The following NFASC variants were observed in gnomAD, a reference collection of about 807,000 sequenced individuals.
NFASC encodes neurofascin, also known as neurofascin homolog.
Under a neutral mutation model 147.5 loss-of-function variants are expected in NFASC, and 43 were observed. The ratio of observed to expected loss-of-function variants is 0.29; its 90% CI spans 0.23 to 0.38. The LOEUF is 0.38. NFASC is among the 10% of genes least tolerant of loss of function. NFASC has a pLI of 1.00. For missense variants in NFASC, 1,320 were observed against 1,689.0 expected (o/e 0.78, Z 3.83); for synonymous variants, 622 against 665.5 (o/e 0.93, Z 1.01).
chr1:205,006,829 G>A (rs1320520712), intron 27 of NFASC, among the ~76,000 whole-genome samples: 1 of 152,212 alleles, frequency 6.6e-6, no homozygotes, highest in East Asian at 1.9e-4. Flanking sequence ...GGGGCAGGAA[G>A]ATGCAGGTTG....
At chr1:204,924,899 G>A in intron 2 of NFASC, among the ~76,000 whole-genome samples, 1 of 152,186 alleles carries the variant, frequency 6.6e-6, no homozygotes, top group Non-Finnish European at 1.5e-5. Flanking sequence ...GTTTTGAGAT[G>A]GAGTTTTGCT....
chr1:204,935,382 G>C (rs2092732967), intron 2 of NFASC, among the ~76,000 whole-genome samples: 1 of 152,228 alleles, frequency 6.6e-6, no homozygotes, highest in Admixed American at 6.5e-5. Context: ...GAGGCAGGCA[G>C]GGGAGTGGGA....
intron 1 of NFASC, among the ~76,000 whole-genome samples, chr1:204,902,960 A>C (rs530905094): frequency 1.8e-4 from 28 of 152,300 alleles, no homozygotes; most frequent in African/African-American, 5.8e-4. Flanking sequence ...GCAGGCACAG[A>C]GTAGGTGGAA....
intron 3 of NFASC, chr1:204,948,637 T>C: frequency 1.9e-6 from 1 of 519,074 alleles, no homozygotes; most frequent in Non-Finnish European, 3.8e-6. Flanking sequence ...GAGCTGGTTC[T>C]CCTTCTAGCT....
At chr1:204,881,638 C>A (rs1264155638) in intron 1 of NFASC, among the ~76,000 whole-genome samples, 2 of 152,072 alleles carry the variant, frequency 1.3e-5, no homozygotes, top group African/African-American at 2.4e-5. Flanking sequence ...ATGGGGGGAA[C>A]CACGGGTTCC....
At chr1:204,952,605 T>C (rs2094188563) in intron 5 of NFASC, among the ~76,000 whole-genome samples, 1 of 152,156 alleles carries the variant, frequency 6.6e-6, no homozygotes, top group Admixed American at 6.5e-5. Flanking sequence ...AACAGTGCTC[T>C]GGGGAAGGAC....
intron 1 of NFASC, among the ~76,000 whole-genome samples, chr1:204,852,443 T>C (rs955986713): frequency 5.9e-5 from 9 of 152,212 alleles, no homozygotes; most frequent in African/African-American, 1.9e-4. Flanking sequence ...GAGGTGGCAG[T>C]GAGCTGAGAT....
rs892169813 is a variant in NFASC, at chr1:204,979,967, C to T, written c.2177-403C>T. Among the ~76,000 whole-genome samples the T allele has an allele frequency of 6.6e-6, 1 of 152,182 alleles. No individual in the cohort carries two copies. Among genetic ancestry groups the T allele is most frequent in the Non-Finnish European group, 1.5e-5 (1 of 68,040 alleles). On this transcript the variant is annotated intron_variant, in intron 19 of 29. Transcript: ENST00000339876. This position sits in a 1 kb window ranked among gnomAD's most constrained non-coding sequence, Gnocchi z 6.0. ...GGTAATATTTGGATTTCTGAAATCA[C>T]ACCAGCTCATAGAGGGTAGAGATGC...
intron 1 of NFASC, 115 bp downstream of exon 1, chr1:204,828,897 C>T: frequency 1.5e-6 from 1 of 655,508 alleles, no homozygotes; most frequent in South Asian, 6.5e-5. Flanking sequence ...CCCCCTCCCC[C>T]TCCGTCCACA....
intron 2 of NFASC, among the ~76,000 whole-genome samples, chr1:204,926,394 ATATATATATATATTTTTTTT>A (rs1267826410): frequency 0.039 from 661 of 16,782 alleles, 3 homozygotes; most frequent in Non-Finnish European, 0.078. Context: ...ATATATATAT[ATATATATATATATTTTTTTT>A]TTTTTTTTTT....
intron 1 of NFASC, among the ~76,000 whole-genome samples, chr1:204,854,082 C>A (rs1034251719): frequency 6.6e-6 from 1 of 152,088 alleles, no homozygotes; most frequent in African/African-American, 2.4e-5. Flanking sequence ...CTGCCCATTC[C>A]CCACCCCCAC....
At chr1:204,902,698 G>A (rs570854309) in intron 1 of NFASC, among the ~76,000 whole-genome samples, 84 of 152,200 alleles carry the variant, frequency 5.5e-4, no homozygotes, top group Non-Finnish European at 9.1e-4. Flanking sequence ...TGCAAGAGTC[G>A]TTATGCTTTT....
intron 1 of NFASC, among the ~76,000 whole-genome samples, chr1:204,894,186 T>A (rs896317096): frequency 1.3e-5 from 2 of 152,214 alleles, no homozygotes; most frequent in African/African-American, 4.8e-5. Flanking sequence ...ATTAAAAAAA[T>A]ATTTGTCAAA....
At chr1:204,943,148 A>G (rs916961685) in intron 2 of NFASC, among the ~76,000 whole-genome samples, 2 of 152,188 alleles carry the variant, frequency 1.3e-5, no homozygotes, top group East Asian at 3.8e-4. Flanking sequence ...AAACTGGAGG[A>G]ATTCTGGAGA....
At chr1:204,863,728 A>G (rs947107624) in intron 1 of NFASC, among the ~76,000 whole-genome samples, 5 of 151,878 alleles carry the variant, frequency 3.3e-5, no homozygotes, top group African/African-American at 1.2e-4. Context: ...GGGTGCCTGT[A>G]GTCCCACTAC....
chr1:204,860,235 A>G (rs1026826531), intron 1 of NFASC, among the ~76,000 whole-genome samples: 14 of 152,310 alleles, frequency 9.2e-5, no homozygotes, highest in African/African-American at 3.4e-4. Flanking sequence ...TGTATTGGAA[A>G]TGTCTTCCTC....
At chr1:204,948,541 G>A in intron 3 of NFASC, 3 of 516,040 alleles carry the variant, frequency 5.8e-6, no homozygotes, top group South Asian at 1.4e-5. Flanking sequence ...TGAGGCCCCA[G>A]CTGGCTCGCT....
At position 205,010,417 on chromosome 1, in the gene NFASC, C is replaced by T. The variant is rs1244959287; in HGVS notation, c.3421+729C>T. The T allele has an allele frequency of 6.6e-6, 1 of 152,134 alleles. No homozygotes were observed. Among genetic ancestry groups the T allele is most frequent in the Admixed American group, 6.5e-5 (1 of 15,270 alleles). 9.4% of individuals were successfully genotyped at this position (152,134 alleles called of 1,614,324 possible). A position where few individuals can be genotyped will look rare whatever the true frequency, so the allele number is the denominator to read the frequency against. ...GGCCAGCCCAACCAACATGACGAAA[C>T]TCCGTCTCTACTAAATATACAAAAA... On this transcript the variant is annotated intron_variant, in intron 28 of 29. Coordinates refer to ENST00000339876, the MANE Select transcript of NFASC (RefSeq NM_001005388.3). The surrounding 1 kb of genome is among the most constrained non-coding windows in gnomAD (Gnocchi z 4.1).
intron 24 of NFASC, among the ~76,000 whole-genome samples, chr1:204,991,545 G>A (rs1320548749): frequency 5.3e-5 from 8 of 152,176 alleles, no homozygotes; most frequent in Non-Finnish European, 8.8e-5. Flanking sequence ...TAGGAGAATG[G>A]CTCAGCAGGG....
Sources: gnomAD v4.1 joint callset for allele counts (sites outside exome capture counted in the v4.1 genomes callset) on GRCh38, gnomAD v4.1.1 for gene constraint, Gnocchi (gnomAD v3.1) non-coding constraint, MANE v1.5 for transcripts, NCBI Gene and HGNC (gene_info 2026-07-23, HGNC 2026-07-21) for gene names.